WNT3: variants seen among roughly 807,000 people sequenced by gnomAD.
WNT3 encodes Wnt family member 3.
Under a neutral mutation model 34.2 loss-of-function variants are expected in WNT3, and 7 were observed. That is an observed-to-expected ratio of 0.20 (90% CI 0.12 to 0.38). The LOEUF (loss-of-function observed/expected upper bound fraction) is 0.38, where lower values mean the gene tolerates loss of function less well. Ranked by LOEUF, WNT3 falls within the 10% of genes least tolerant of loss-of-function variation. WNT3 has a pLI of 1.00. For synonymous variants in WNT3, 212 were observed against 211.5 expected, an observed-to-expected ratio of 1.00 and a Z score of -0.02; for missense variants, 267 against 499.8, an observed-to-expected ratio of 0.53 and a Z score of 4.44.
chr17:46,814,661 A>C (rs1408982630), intron 1 of WNT3, among the ~76,000 whole-genome samples: 4 of 152,216 alleles, frequency 2.6e-5, no homozygotes, highest in Non-Finnish European at 5.9e-5. Flanking sequence ...GCCCAGCCCC[A>C]GCGAGCTGTA....
At chr17:46,784,820 G>A (rs2059489081) in intron 1 of WNT3, among the ~76,000 whole-genome samples, 1 of 148,336 alleles carries the variant, frequency 6.7e-6, no homozygotes. Context: ...CTGTCGCCCA[G>A]GCTGGAGTGC....
rs1039784214 is a variant in WNT3, at chr17:46,779,256, A to G, written c.81-5347T>C. ...CGGAGCTTCCGCCTACACACAGGAC[A>G]AGACTCCTTGGTTCCGCTGAGGAAG... On this transcript the variant is annotated intron_variant, in intron 1 of 4. Transcript: ENST00000225512. Among the ~76,000 whole-genome samples, 30 of 152,142 alleles carry G rather than the reference A, an allele frequency of 2.0e-4. 2 individuals are homozygous for G. Among genetic ancestry groups the G allele is most frequent in the Admixed American group, 1.9e-3 (29 of 15,276 alleles).
In WNT3 at chr17:46,800,020, TGTCCCAGA is replaced by T. The variant is rs35441042; in HGVS notation, c.80+18490_80+18497del. Among the ~76,000 whole-genome samples, 1,226 of 152,288 alleles carry T rather than the reference TGTCCCAGA, an allele frequency of 8.1e-3. 18 individuals carry two copies. The highest frequency in any genetic ancestry group is 0.024 in the African/African-American group (994 of 41,548). On this transcript the variant is annotated intron_variant, in intron 1 of 4. Coordinates refer to ENST00000225512, the MANE Select transcript of WNT3 (RefSeq NM_030753.5). Reference sequence around the variant, plus strand: ...GGAGATCACAGAGTGAGGGGAGTGCTGTCCCAGAGAGTGGGGACCAGCTGAGCCTGAAC... The same window carrying T: ...GGAGATCACAGAGTGAGGGGAGTGCTGAGTGGGGACCAGCTGAGCCTGAAC...
intron 1 of WNT3, among the ~76,000 whole-genome samples, chr17:46,805,731 A>G (rs753090853): frequency 2.0e-5 from 3 of 152,216 alleles, no homozygotes; most frequent in Non-Finnish European, 2.9e-5. Context: ...AGCCTGGGCA[A>G]CAGAGCAAGA....
chr17:46,801,395 A>G (rs776410422), intron 1 of WNT3, among the ~76,000 whole-genome samples: 15 of 152,072 alleles, frequency 9.9e-5, no homozygotes, highest in Non-Finnish European at 1.8e-4. Flanking sequence ...TGAGGTGGGC[A>G]CATCACCTGA....
At chr17:46,800,564 G>A (rs1466214621) in intron 1 of WNT3, among the ~76,000 whole-genome samples, 1 of 152,232 alleles carries the variant, frequency 6.6e-6, no homozygotes, top group Non-Finnish European at 1.5e-5. Flanking sequence ...AGGTATCTGA[G>A]AATACAGGAA....
At chr17:46,783,979 C>T (rs1274609982) in intron 1 of WNT3, among the ~76,000 whole-genome samples, 2 of 152,088 alleles carry the variant, frequency 1.3e-5, no homozygotes, top group African/African-American at 4.8e-5. Context: ...GGCTGGGAGG[C>T]GGGGTTGACG....
chr17:46,789,631 G>A (rs936979085), intron 1 of WNT3, among the ~76,000 whole-genome samples: 37 of 152,324 alleles, frequency 2.4e-4, no homozygotes, highest in Admixed American at 1.8e-3. Context: ...CAAACCAAAT[G>A]ACACCATGGG....
Position 46,763,831 on chromosome 17 carries a change from C to CAAAAAAAAAAAAAAAAAAAAAA in WNT3, c.*798_*799insTTTTTTTTTTTTTTTTTTTTTT, listed in dbSNP as rs374185346. The CAAAAAAAAAAAAAAAAAAAAAA allele has an allele frequency of 8.1e-6, 1 of 123,708 alleles. No homozygotes were observed. The highest frequency in any genetic ancestry group is 8.4e-5 in the Admixed American group (1 of 11,916). The allele number at this position is 123,708 out of a possible 1,614,324, so 7.7% of individuals were successfully genotyped here. The stretch of plus-strand genomic sequence containing the variant: ...GCCTATTTACAAGGTCCACTACCAC[C>CAAAAAAAAAAAAAAAAAAAAAA]AAAAAAAAAAAAAAACAAAAAAACA... On this transcript the variant is annotated 3_prime_UTR_variant, in exon 5 of 5. Transcript: ENST00000225512.
At chr17:46,782,924 G>A (rs2059473998) in intron 1 of WNT3, among the ~76,000 whole-genome samples, 1 of 152,218 alleles carries the variant, frequency 6.6e-6, no homozygotes, top group Non-Finnish European at 1.5e-5. Context: ...CAAGGGTAGG[G>A]GGTTTCTTCT....
chr17:46,781,664 C>T (rs1162715309), intron 1 of WNT3, among the ~76,000 whole-genome samples: 5 of 152,166 alleles, frequency 3.3e-5, no homozygotes, highest in East Asian at 1.9e-4. Flanking sequence ...TGGTGATGGT[C>T]ACACAGCATT....
At chr17:46,798,278 T>C (rs1488038861) in intron 1 of WNT3, among the ~76,000 whole-genome samples, 4 of 152,164 alleles carry the variant, frequency 2.6e-5, no homozygotes, top group African/African-American at 9.7e-5. Context: ...ATTCAGGATG[T>C]GGTCACATCT....
rs375252061 is a variant in WNT3, at chr17:46,780,253, G to A, written c.81-6344C>T. On this transcript the variant is annotated intron_variant, in intron 1 of 4. Coordinates refer to ENST00000225512, the MANE Select transcript of WNT3 (RefSeq NM_030753.5). ...GACGGCCAATCCCCTGCTGATGGGGGTCTGACTGTGCTGCCAGGGACACCC... is the reference window on the plus strand; with the variant it reads ...GACGGCCAATCCCCTGCTGATGGGGATCTGACTGTGCTGCCAGGGACACCC... 9.8e-5 allele frequency among the ~76,000 whole-genome samples: 15 copies of A among 152,314 alleles called. No homozygotes were observed. The East Asian group carries it at 1.4e-3, about 14-fold the overall frequency.
At chr17:46,773,955 A>C in intron 1 of WNT3, 46 bp from the exon 2 acceptor site, 1 of 1,597,128 alleles carries the variant, frequency 6.3e-7, no homozygotes. Flanking sequence ...CAAAGCACAG[A>C]GCCCATCCTG....
At position 46,788,176 on chromosome 17, in the gene WNT3, C is replaced by T. The variant is rs141487898; in HGVS notation, c.81-14267G>A. ...GAGCTCAGCTTGGCCAGCTTTTCCT[C>T]CTGGAGCTTGGCCATCTGTTTCTTT... On this transcript the variant is annotated intron_variant, in intron 1 of 4. Coordinates refer to ENST00000225512, the MANE Select transcript of WNT3 (RefSeq NM_030753.5). Among the ~76,000 whole-genome samples, 688 of 152,310 alleles carry T rather than the reference C, an allele frequency of 4.5e-3. 5 individuals carry two copies. Among genetic ancestry groups the T allele is most frequent in the African/African-American group, 0.016 (656 of 41,562 alleles).
At position 46,793,279 on chromosome 17, in the gene WNT3, A is replaced by AAG. The variant is rs2084011226; in HGVS notation, c.81-19371_81-19370insCT. On this transcript the variant is annotated intron_variant, in intron 1 of 4. Transcript: ENST00000225512. ...ACAGAGTGAGACCCTGTCTAAAAAA[A>AAG]AAAAAAAAAAAAAAAAAAAAAATGA... Among the ~76,000 whole-genome samples the AAG allele has an allele frequency of 1.4e-5, 2 of 145,462 alleles. 1 individual carries two copies. The highest frequency in any genetic ancestry group is 1.4e-4 in the Admixed American group (2 of 14,702).
rs200353370 is a variant in WNT3, at chr17:46,767,779, T to TTTTGTTTGTTTG, written c.*8+521_*8+532dup. ...TGTGCACACACTGAATTTTGTTTTT[T>TTTTGTTTGTTTG]TTTGTTTGTTTGTTTGTTTGTTTGA... On this transcript the variant is annotated intron_variant, in intron 4 of 4. Coordinates refer to ENST00000225512, the MANE Select transcript of WNT3 (RefSeq NM_030753.5). Among the ~76,000 whole-genome samples the TTTTGTTTGTTTG allele has an allele frequency of 1.3e-5, 2 of 152,040 alleles. 1 individual carries two copies. The highest frequency in any genetic ancestry group is 4.1e-4 in the South Asian group (2 of 4,828).
intron 1 of WNT3, among the ~76,000 whole-genome samples, chr17:46,810,239 C>G (rs887696151): frequency 2.0e-5 from 3 of 152,064 alleles, no homozygotes; most frequent in African/African-American, 7.2e-5. Context: ...AACTCCTGAC[C>G]TCAGGTGATC....
intron 1 of WNT3, among the ~76,000 whole-genome samples, chr17:46,790,878 A>G (rs2083976433): frequency 6.6e-6 from 1 of 152,218 alleles, no homozygotes; most frequent in African/African-American, 2.4e-5. Flanking sequence ...TACATCGGAA[A>G]AGGACAGGAT....
Sources: allele counts gnomAD v4.1 joint callset (sites outside exome capture counted in the v4.1 genomes callset), GRCh38; gene constraint gnomAD v4.1.1; transcripts MANE v1.5; gene names NCBI Gene and HGNC (gene_info 2026-07-23, HGNC 2026-07-21).